MBTPS1: variants seen among roughly 807,000 people sequenced by gnomAD.
MBTPS1 encodes membrane bound transcription factor peptidase, site 1, also known as membrane-bound transcription factor site-1 protease.
MBTPS1 carries 94 observed loss-of-function variants against 127.8 expected under a neutral mutation model. The observed-to-expected ratio is 0.74, with a 90% CI of 0.62 to 0.87. MBTPS1 has a LOEUF of 0.87. Ranked by LOEUF, MBTPS1 falls within the 40% of genes least tolerant of loss-of-function variation. MBTPS1 has a pLI of 0.00. For missense variants in MBTPS1, 1,636 were observed against 1,353.2 expected, an observed-to-expected ratio of 1.21 and a Z score of -3.28; for synonymous variants, 632 against 509.4, an observed-to-expected ratio of 1.24 and a Z score of -3.24.
intron 10 of MBTPS1, chr16:84,082,179 C>G (rs769902694): frequency 2.5e-4 from 60 of 240,512 alleles, no homozygotes; most frequent in Admixed American, 6.8e-4. Flanking sequence ...ACTAAACAAC[C>G]ACATAGGCTG....
intron 1 of MBTPS1, among the ~76,000 whole-genome samples, chr16:84,115,358 G>A (rs1189264397): frequency 1.3e-5 from 2 of 152,152 alleles, no homozygotes; most frequent in Non-Finnish European, 2.9e-5. Context: ...TTGATTATAC[G>A]GGGTGCCTGG....
chr16:84,116,000 A>T (rs190493659), intron 1 of MBTPS1, among the ~76,000 whole-genome samples: 24 of 152,268 alleles, frequency 1.6e-4, no homozygotes, highest in Admixed American at 1.4e-3. Context: ...CTTTTCGTAG[A>T]CATACAATTG....
intron 16 of MBTPS1, among the ~76,000 whole-genome samples, chr16:84,067,093 T>C (rs1280458725): frequency 1.3e-5 from 2 of 152,144 alleles, no homozygotes; most frequent in Non-Finnish European, 2.9e-5. Flanking sequence ...AAATATACAA[T>C]ATTTAAATAT....
At chr16:84,056,923 G>C (rs1217290319) in intron 21 of MBTPS1, 1 of 152,224 alleles carries the variant, frequency 6.6e-6, no homozygotes, top group Non-Finnish European at 1.5e-5. Context: ...AGCGCGATGG[G>C]AAAAACACTA....
chr16:84,092,438 T>C (rs1251973624), intron 6 of MBTPS1, among the ~76,000 whole-genome samples: 1 of 152,202 alleles, frequency 6.6e-6, no homozygotes, highest in African/African-American at 2.4e-5. Context: ...ATGATTAAGA[T>C]TATGTTTTTA....
At chr16:84,093,385 T>C (rs1300779209) in intron 5 of MBTPS1, 88 bp from the exon 6 acceptor site, 3 of 898,604 alleles carry the variant, frequency 3.3e-6, no homozygotes, top group Non-Finnish European at 5.5e-6. Context: ...TTCCACGGCC[T>C]TCCATTTCCA....
intron 15 of MBTPS1, 62 bp from the exon 16 acceptor site, chr16:84,067,885 C>T (rs2085710641): frequency 6.6e-7 from 1 of 1,507,468 alleles, no homozygotes; most frequent in Non-Finnish European, 9.1e-7. Flanking sequence ...ACCACCACGG[C>T]AGAAACAGTG....
At chr16:84,061,319 G>A (rs2085609479) in intron 19 of MBTPS1, 2 of 153,240 alleles carry the variant, frequency 1.3e-5, no homozygotes, top group African/African-American at 4.8e-5. Context: ...ACCTGACCAG[G>A]GCTCCACTCC....
chr16:84,102,369 T>G (rs553029842), intron 1 of MBTPS1, among the ~76,000 whole-genome samples: 1 of 152,306 alleles, frequency 6.6e-6, no homozygotes, highest in Non-Finnish European at 1.5e-5. Context: ...ATCCTGGTTT[T>G]AAGACAAATT....
At chr16:84,089,409 G>A (rs368599650) in intron 8 of MBTPS1, among the ~76,000 whole-genome samples, 6 of 152,212 alleles carry the variant, frequency 3.9e-5, no homozygotes, top group African/African-American at 1.4e-4. Context: ...ATTCAGCCTA[G>A]AATACTGAAG....
chr16:84,081,905 T>C lies in MBTPS1; in HGVS notation c.1290A>G (p.Thr430=), dbSNP rs144559147. Residue 430 remains threonine (T), a synonymous_variant, in exon 11 of 23, where the codon ACA becomes ACG. Transcript: ENST00000343411. ...GATTCACCAGCTCACGCTTCTGGAC[T>C]GTGCTGGAGGAAAAATCAAGAATTG... ...VAGAVTLLVS[T]VQKRELVNPA... 7 of 1,393,206 alleles carry C rather than the reference T, an allele frequency of 5.0e-6. No homozygotes were observed. The highest frequency in any genetic ancestry group is 6.6e-6 in the Non-Finnish European group (7 of 1,062,636). The allele number at this position is 1,393,206 out of a possible 1,614,324, so 86.3% of individuals were successfully genotyped here.
chr16:84,066,397 C>A, intron 17 of MBTPS1, 92 bp downstream of exon 17: 1 of 1,341,972 alleles, frequency 7.5e-7, no homozygotes, highest in South Asian at 1.5e-5. Context: ...ACTGAGGGAT[C>A]ACCATTCTCT....
chr16:84,066,285 G>C (rs1424965626), intron 17 of MBTPS1, among the ~76,000 whole-genome samples: 1 of 151,880 alleles, frequency 6.6e-6, no homozygotes, highest in African/African-American at 2.4e-5. Flanking sequence ...ATTAGGAATG[G>C]CTACATAAAA....
At chr16:84,093,397 G>C in intron 5 of MBTPS1, 100 bp from the exon 6 acceptor site, 1 of 824,176 alleles carries the variant, frequency 1.2e-6, no homozygotes, top group Non-Finnish European at 2.0e-6. Context: ...CCATTTCCAA[G>C]TGCTGGATAG....
At chr16:84,095,475 G>A in intron 4 of MBTPS1, 127 bp downstream of exon 4, 3 of 949,650 alleles carry the variant, frequency 3.2e-6, no homozygotes, top group Admixed American at 4.6e-5. Flanking sequence ...GTGGAAGGCT[G>A]CAGGGCTTTA....
chr16:84,061,946 C>A (rs933650774), intron 19 of MBTPS1, among the ~76,000 whole-genome samples: 4 of 152,112 alleles, frequency 2.6e-5, no homozygotes, highest in African/African-American at 9.6e-5. Context: ...GCTTAATGCC[C>A]CTGAAAGATG....
intron 3 of MBTPS1, among the ~76,000 whole-genome samples, chr16:84,098,408 C>T (rs1435376114): frequency 6.6e-6 from 1 of 152,104 alleles, no homozygotes. Flanking sequence ...GTCAGGAGTT[C>T]AAGACCAGCC....
At chr16:84,063,146 T>C (rs368018817) in intron 19 of MBTPS1, among the ~76,000 whole-genome samples, 159 bp downstream of exon 19, 23 of 152,250 alleles carry the variant, frequency 1.5e-4, no homozygotes, top group Non-Finnish European at 2.9e-4. Flanking sequence ...TATCAAAATA[T>C]TCCAAGCAAT....
chr16:84,082,776 A>C (rs1444182757), intron 10 of MBTPS1, among the ~76,000 whole-genome samples: 1 of 152,184 alleles, frequency 6.6e-6, no homozygotes, highest in African/African-American at 2.4e-5. Flanking sequence ...TCTTAATGAC[A>C]GAAGAAAAGA....
Sources: allele counts gnomAD v4.1 joint callset (sites outside exome capture counted in the v4.1 genomes callset), GRCh38; gene constraint gnomAD v4.1.1; transcripts MANE v1.5; gene names NCBI Gene and HGNC (gene_info 2026-07-23, HGNC 2026-07-21).